The following LRRK1 variants were observed in gnomAD, a reference collection of about 807,000 sequenced individuals.
LRRK1 encodes the protein leucine rich repeat kinase 1.
A neutral mutation model predicts 209.1 loss-of-function variants in LRRK1; 113 were observed. The ratio of observed to expected loss-of-function variants is 0.54; its 90% CI spans 0.46 to 0.63. LRRK1 has a LOEUF of 0.63. Ranked by LOEUF, LRRK1 falls within the 30% of genes least tolerant of loss-of-function variation. The pLI is 0.00. For synonymous variants in LRRK1, 1,144 were observed against 1,099.7 expected (o/e 1.04, Z -0.80); for missense variants, 2,284 against 2,632.2 (o/e 0.87, Z 2.89).
intron 6 of LRRK1, among the ~76,000 whole-genome samples, chr15:100,991,877 T>G (rs1204558751): frequency 6.6e-6 from 1 of 152,236 alleles, no homozygotes. Context: ...GTAGTTTCCA[T>G]GTATTCATTT....
intron 2 of LRRK1, among the ~76,000 whole-genome samples, chr15:100,958,409 T>C (rs1468698760): frequency 6.6e-6 from 1 of 152,218 alleles, no homozygotes; most frequent in Non-Finnish European, 1.5e-5. Flanking sequence ...TTGGGTGTTT[T>C]GGATACGTCT....
At chr15:100,982,869 T>C (rs1032662567) in intron 3 of LRRK1, among the ~76,000 whole-genome samples, 6 of 152,328 alleles carry the variant, frequency 3.9e-5, no homozygotes, top group Non-Finnish European at 5.9e-5. Context: ...GCGAGCCACA[T>C]GTATATATCA....
chr15:101,046,752 A>G (rs768929555), intron 21 of LRRK1, among the ~76,000 whole-genome samples: 1 of 152,146 alleles, frequency 6.6e-6, no homozygotes, highest in African/African-American at 2.4e-5. Context: ...CAGTTTGAGA[A>G]CCACTTGTGC....
At chr15:100,989,114 C>T (rs763168147) in intron 5 of LRRK1, 136 bp from the exon 6 acceptor site, 87 of 828,224 alleles carry the variant, frequency 1.1e-4, no homozygotes, top group Admixed American at 4.8e-5. Flanking sequence ...ACTTGATGCA[C>T]CAAGGGAAGT....
intron 6 of LRRK1, 26 bp downstream of exon 6, chr15:100,989,424 TGTTTTA>T: frequency 6.2e-7 from 1 of 1,612,468 alleles, no homozygotes; most frequent in Non-Finnish European, 8.5e-7. Context: ...CTGTGGAGTG[TGTTTTA>T]GTTCCTTTTG....
intron 21 of LRRK1, among the ~76,000 whole-genome samples, chr15:101,047,535 A>AAGTT (rs1465783676): frequency 6.6e-6 from 1 of 152,212 alleles, no homozygotes; most frequent in Non-Finnish European, 1.5e-5. Flanking sequence ...CCCTCACTCG[A>AAGTT]AGTTAGGAAA....
chr15:100,991,126 A>G (rs1337601251), intron 6 of LRRK1, among the ~76,000 whole-genome samples: 7 of 152,212 alleles, frequency 4.6e-5, no homozygotes, highest in Non-Finnish European at 7.3e-5. Flanking sequence ...AGATGTCACC[A>G]TTGGCATTTT....
In LRRK1 at chr15:100,924,584, A is replaced by C. The variant is rs1453578309; in HGVS notation, c.-49A>C. The stretch of plus-strand genomic sequence containing the variant: ...GCACCCCACAGCCAGCGGCAGTGGC[A>C]GTGACAACAGCGGGACCTGCCTTTG... On this transcript the variant is annotated 5_prime_UTR_variant, in exon 2 of 34. Coordinates refer to ENST00000388948, the MANE Select transcript of LRRK1 (RefSeq NM_024652.6). 3 of 1,541,764 alleles carry C rather than the reference A, an allele frequency of 1.9e-6. No individual in the cohort carries two copies. In the South Asian group the frequency reaches 3.3e-5, roughly 17 times the overall value.
chr15:100,973,675 C>T lies in LRRK1; in HGVS notation c.98-129C>T, dbSNP rs149504739. ...CGCAGGGAGCGTCGCGGGGCCACCCCTCTCTCTTCCTGAAGCCCCCGCGAT... is the reference window on the plus strand; with the variant it reads ...CGCAGGGAGCGTCGCGGGGCCACCCTTCTCTCTTCCTGAAGCCCCCGCGAT... On this transcript the variant is annotated intron_variant, in intron 2 of 33. Transcript: ENST00000388948. The T allele has an allele frequency of 1.6e-3, 1,533 of 963,334 alleles. 1 individual carries two copies. Among genetic ancestry groups the T allele is most frequent in the Non-Finnish European group, 1.9e-3 (1,381 of 743,330 alleles). 59.7% of individuals were successfully genotyped at this position (963,334 alleles called of 1,614,324 possible).
At chr15:100,998,011 G>A (rs770813409) in intron 6 of LRRK1, among the ~76,000 whole-genome samples, 23 of 151,950 alleles carry the variant, frequency 1.5e-4, no homozygotes, top group Non-Finnish European at 2.5e-4. Flanking sequence ...AAACCCCCCC[G>A]TCTCTACTAA....
In LRRK1 at chr15:101,027,600, G is replaced by C. The variant is rs1348835812; in HGVS notation, c.2527-38G>C. ...TGCCCAAGCTGGCAGGTGTGCCTTGGGACCTGAGAGACCCTGCCTCGCCCA... is the reference window on the plus strand; with the variant it reads ...TGCCCAAGCTGGCAGGTGTGCCTTGCGACCTGAGAGACCCTGCCTCGCCCA... On this transcript the variant is annotated intron_variant, in intron 18 of 33. Coordinates refer to ENST00000388948, the MANE Select transcript of LRRK1 (RefSeq NM_024652.6). The surrounding 1 kb of genome is among the most constrained non-coding windows in gnomAD (Gnocchi z 5.1). 10 of 1,597,942 alleles carry C rather than the reference G, an allele frequency of 6.3e-6. No individual in the cohort carries two copies. The highest frequency in any genetic ancestry group is 8.5e-6 in the Non-Finnish European group (10 of 1,173,632).
chr15:100,991,037 G>A (rs1596244836), intron 6 of LRRK1, among the ~76,000 whole-genome samples: 1 of 152,242 alleles, frequency 6.6e-6, no homozygotes, highest in Non-Finnish European at 1.5e-5. Flanking sequence ...GGGTGGAGGT[G>A]GCTAGCTTTT....
Position 101,052,965 on chromosome 15 carries a change from G to C in LRRK1, c.3733G>C (p.Gly1245Arg). The C allele has an allele frequency of 1.2e-6, 2 of 1,612,090 alleles. No individual in the cohort carries two copies. Among genetic ancestry groups the C allele is most frequent in the Non-Finnish European group, 1.7e-6 (2 of 1,178,750 alleles). ...CAAGCTGGAGCACAGCGAGGACGAG[G>C]GCAGCGTCCTGGGCCAGGGCGGCAG... ...NSKLEHSEDE[G>R]SVLGQGGSGT... Residue 1245 changes from glycine to arginine, a missense_variant, in exon 25 of 34, where the codon GGC (glycine) becomes CGC (arginine). By Grantham distance (125) the Gly-to-Arg change is moderately radical (BLOSUM62 -2). Coordinates refer to ENST00000388948, the MANE Select transcript of LRRK1 (RefSeq NM_024652.6).
chr15:101,057,817 G>A lies in LRRK1; in HGVS notation c.4528-173G>A, dbSNP rs147180471. Reference sequence around the variant, plus strand: ...GTAGCCAAAGGTGACCCAGATACCTGGATGGGTTTGCTCCTGACGTCTGAA... The same window carrying A: ...GTAGCCAAAGGTGACCCAGATACCTAGATGGGTTTGCTCCTGACGTCTGAA... On this transcript the variant is annotated intron_variant, in intron 28 of 33. Coordinates refer to ENST00000388948, the MANE Select transcript of LRRK1 (RefSeq NM_024652.6). 2.6e-3 allele frequency among the ~76,000 whole-genome samples: 389 copies of A among 152,342 alleles called. 1 individual carries two copies. Among genetic ancestry groups the A allele is most frequent in the African/African-American group, 8.3e-3 (345 of 41,574 alleles).
intron 6 of LRRK1, among the ~76,000 whole-genome samples, chr15:101,002,265 G>A (rs2032731684): frequency 6.6e-6 from 1 of 152,210 alleles, no homozygotes; most frequent in African/African-American, 2.4e-5. Flanking sequence ...TCCATCACCA[G>A]ATGAGGAGAT....
intron 2 of LRRK1, among the ~76,000 whole-genome samples, chr15:100,931,004 C>T (rs1209343966): frequency 1.3e-5 from 2 of 152,192 alleles, no homozygotes; most frequent in African/African-American, 2.4e-5. Flanking sequence ...CTATTCAGGC[C>T]ACCCTTGGGT....
chr15:100,987,923 T>C (rs1336507282), intron 4 of LRRK1, among the ~76,000 whole-genome samples: 1 of 152,200 alleles, frequency 6.6e-6, no homozygotes, highest in Non-Finnish European at 1.5e-5. Flanking sequence ...GGTAGTTGTT[T>C]CTAGTCTTAT....
At chr15:100,996,247 G>A (rs1353491813) in intron 6 of LRRK1, among the ~76,000 whole-genome samples, 1 of 152,224 alleles carries the variant, frequency 6.6e-6, no homozygotes. Flanking sequence ...CATCACCACC[G>A]CCCTGGCGCC....
At chr15:100,993,249 A>G (rs1018569040) in intron 6 of LRRK1, among the ~76,000 whole-genome samples, 3 of 151,948 alleles carry the variant, frequency 2.0e-5, no homozygotes, top group African/African-American at 7.3e-5. Context: ...CTTTTTCTCT[A>G]ATTTTAGCTT....
Sources: allele counts gnomAD v4.1 joint callset (sites outside exome capture counted in the v4.1 genomes callset), GRCh38; gene constraint gnomAD v4.1.1; non-coding constraint Gnocchi (gnomAD v3.1); transcripts MANE v1.5; gene names NCBI Gene and HGNC (gene_info 2026-07-23, HGNC 2026-07-21).